The following ANAPC5 variants were observed in gnomAD, a reference collection of about 807,000 sequenced individuals.
ANAPC5 encodes anaphase promoting complex subunit 5.
Under a neutral mutation model 91.3 loss-of-function variants are expected in ANAPC5, and 60 were observed. The ratio of observed to expected loss-of-function variants is 0.66; its 90% CI spans 0.53 to 0.81. ANAPC5 has a LOEUF of 0.81. Ranked by LOEUF, ANAPC5 falls within the 40% of genes least tolerant of loss-of-function variation. The pLI is 0.00. For missense variants in ANAPC5, 690 were observed against 931.5 expected (o/e 0.74, Z 3.37); for synonymous variants, 340 against 364.1 (o/e 0.93, Z 0.75).
At position 121,352,372 on chromosome 12, in the gene ANAPC5, C is replaced by G. The variant is rs782472022; in HGVS notation, c.-32G>C. 1 of 1,559,172 alleles carries G rather than the reference C, an allele frequency of 6.4e-7. No individual in the cohort carries two copies. Among genetic ancestry groups the G allele is most frequent in the Non-Finnish European group, 8.7e-7 (1 of 1,145,430 alleles). On this transcript the variant is annotated 5_prime_UTR_variant, in exon 1 of 17. Transcript: ENST00000261819. ...CCGAGACTAAGTCTCGGGCCCGCGG[C>G]GCGCTGCCGCCAGTTGTCACCACAA... is the stretch of plus-strand genomic sequence containing the variant.
At chr12:121,349,672 C>A (rs1555275087) in intron 1 of ANAPC5, among the ~76,000 whole-genome samples, 1 of 149,224 alleles carries the variant, frequency 6.7e-6, no homozygotes, top group African/African-American at 2.5e-5. Flanking sequence ...CAGCAAAAAA[C>A]AACATGAGCA....
chr12:121,325,297 T>C (rs1902764905), intron 11 of ANAPC5, among the ~76,000 whole-genome samples: 1 of 151,974 alleles, frequency 6.6e-6, no homozygotes, highest in Admixed American at 6.6e-5. Flanking sequence ...ACCCCATCTC[T>C]ACAAAAAACA....
At chr12:121,336,840 C>T (rs1245742114) in intron 6 of ANAPC5, among the ~76,000 whole-genome samples, 1 of 152,154 alleles carries the variant, frequency 6.6e-6, no homozygotes, top group Non-Finnish European at 1.5e-5. Flanking sequence ...GCAACCTATA[C>T]CGAGTTGTTT....
intron 16 of ANAPC5, among the ~76,000 whole-genome samples, chr12:121,309,146 CAA>C (rs35933671): frequency 4.1e-4 from 15 of 36,834 alleles, no homozygotes; most frequent in Admixed American, 1.0e-3. Flanking sequence ...GACTCCATCT[CAA>C]AAAAAAAAAA....
intron 11 of ANAPC5, chr12:121,326,485 G>A (rs1295285669): frequency 2.0e-5 from 3 of 152,194 alleles, no homozygotes; most frequent in Admixed American, 6.5e-5. Context: ...CCCTTATAAA[G>A]AGAATCTCGT....
In ANAPC5 at chr12:121,331,688, A is replaced by G. The variant is rs1233810068; in HGVS notation, c.951-260T>C. ...AGCAAAGGCTTTTATCTCCGCTTCTAAGATGTTTATTTTAAAGGTCCACTG... is the reference window on the plus strand; with the variant it reads ...AGCAAAGGCTTTTATCTCCGCTTCTGAGATGTTTATTTTAAAGGTCCACTG... On this transcript the variant is annotated intron_variant, in intron 7 of 16. Coordinates refer to ENST00000261819, the MANE Select transcript of ANAPC5 (RefSeq NM_016237.5). 1.5e-5 allele frequency: 4 copies of G among 261,878 alleles called. No homozygotes were observed. In the Admixed American group the frequency reaches 1.8e-4, roughly 12 times the overall value. The allele number at this position is 261,878 out of a possible 1,614,324, so 16.2% of individuals were successfully genotyped here.
intron 5 of ANAPC5, among the ~76,000 whole-genome samples, chr12:121,339,013 T>C (rs1566193261): frequency 6.6e-6 from 1 of 151,726 alleles, no homozygotes; most frequent in East Asian, 1.9e-4. Context: ...TTTCATTTTA[T>C]ATTGTAAACT....
chr12:121,334,068 G>A (rs962449957), intron 7 of ANAPC5: 5 of 152,168 alleles, frequency 3.3e-5, no homozygotes, highest in African/African-American at 1.2e-4. Flanking sequence ...TGGAAGCCAG[G>A]AGTTTGAAAC....
chr12:121,353,051 T>C (rs1186330699), upstream of ANAPC5, among the ~76,000 whole-genome samples: 2 of 152,226 alleles, frequency 1.3e-5, no homozygotes, highest in East Asian at 1.9e-4. Context: ...TTTTTAAAGA[T>C]AGGAACATGA....
chr12:121,349,873 AT>A (rs1311803899), intron 1 of ANAPC5, among the ~76,000 whole-genome samples: 3 of 150,694 alleles, frequency 2.0e-5, no homozygotes, highest in Admixed American at 1.3e-4. Flanking sequence ...TGCCCGGCTA[AT>A]TTTTTTTTGT....
intron 13 of ANAPC5, among the ~76,000 whole-genome samples, chr12:121,319,177 G>C (rs1902500730): frequency 6.6e-6 from 1 of 151,632 alleles, no homozygotes; most frequent in South Asian, 2.1e-4. Context: ...ATAGATAACA[G>C]CATGTTAATG....
rs114213300 is a variant in ANAPC5 at position 121,346,583 on chromosome 12, G to A, written c.397+313C>T. 557 of 251,614 alleles carry A rather than the reference G, an allele frequency of 2.2e-3. 5 individuals carry two copies. The highest frequency in any genetic ancestry group is 0.011 in the African/African-American group (515 of 45,116). 15.6% of individuals were successfully genotyped at this position (251,614 alleles called of 1,614,324 possible). A position where few individuals can be genotyped will look rare whatever the true frequency, so the allele number is the denominator to read the frequency against. ...TTACTTACCTCTCTTCATAAGTCTG[G>A]GCTGGTGACCCTCACTTACAGATGG... On this transcript the variant is annotated intron_variant, in intron 3 of 16. Coordinates refer to ENST00000261819, the MANE Select transcript of ANAPC5 (RefSeq NM_016237.5).
chr12:121,319,719 T>C lies in ANAPC5; in HGVS notation c.1615A>G (p.Asn539Asp). Reference protein sequence around the residue: ...DSLVTGITALNSIEGVYRKAV... With the variant: ...DSLVTGITALDSIEGVYRKAV... Reference sequence around the variant, plus strand: ...TACCTATAAACACCCTCTATGCTATTGAGAGCTGTGATTCCTGTAACAAGT... The same window carrying C: ...TACCTATAAACACCCTCTATGCTATCGAGAGCTGTGATTCCTGTAACAAGT... Residue 539 changes from asparagine to aspartate, a missense_variant, in exon 13 of 17, where the codon AAT becomes GAT. Physicochemically the swap from Asn to Asp is conservative, Grantham distance 23. This residue lies in a region of ANAPC5 where 317 missense variants were observed against 438.7 expected (regional missense o/e 0.72). Coordinates refer to ENST00000261819, the MANE Select transcript of ANAPC5 (RefSeq NM_016237.5). 6.2e-7 allele frequency: 1 copy of C among 1,611,952 alleles called. No individual in the cohort carries two copies. The highest frequency in any genetic ancestry group is 8.5e-7 in the Non-Finnish European group (1 of 1,179,236).
intron 5 of ANAPC5, 152 bp from the exon 6 acceptor site, chr12:121,337,544 C>G (rs1903294021): frequency 5.2e-6 from 3 of 572,418 alleles, no homozygotes; most frequent in Non-Finnish European, 9.2e-6. Context: ...GGCCTTCCCT[C>G]ACTCTAGGTA....
At position 121,345,919 on chromosome 12, in the gene ANAPC5, C is replaced by T. The variant is rs111961078; in HGVS notation, c.510G>A (p.Val170=). The change falls in exon 4 of 17, where the codon GTG becomes GTA. Residue 170 remains valine, a synonymous_variant. Transcript: ENST00000261819. ...TGGTCAGTTCCATATCAGCATCCTC[C>T]ACTGTCTTTTTCTCACCATTCTGGA... ...QYFQNGEKKT[V]EDADMELTSR... 4.5e-5 allele frequency: 72 copies of T among 1,614,142 alleles called. No homozygotes were observed. The highest frequency in any genetic ancestry group is 5.9e-5 in the Non-Finnish European group (70 of 1,180,020).
At chr12:121,316,086 A>T (rs1241658509) in intron 15 of ANAPC5, among the ~76,000 whole-genome samples, 2 of 152,246 alleles carry the variant, frequency 1.3e-5, no homozygotes, top group Non-Finnish European at 2.9e-5. Context: ...AATTTTTACA[A>T]GTGAACATCA....
chr12:121,331,236 T>C, intron 8 of ANAPC5, 111 bp downstream of exon 8: 1 of 846,350 alleles, frequency 1.2e-6, no homozygotes, highest in Non-Finnish European at 1.8e-6. Flanking sequence ...CTTGTTTCCT[T>C]TTGCTGCTGA....
At chr12:121,317,407 C>T (rs896704820) in intron 15 of ANAPC5, among the ~76,000 whole-genome samples, 1 of 151,774 alleles carries the variant, frequency 6.6e-6, no homozygotes, top group Non-Finnish European at 1.5e-5. Context: ...GCACGTGCCA[C>T]CACGCCCGGC....
In ANAPC5 at chr12:121,342,150, T is replaced by C; in HGVS notation, c.591-81A>G. On this transcript the variant is annotated intron_variant, in intron 4 of 16. Coordinates refer to ENST00000261819, the MANE Select transcript of ANAPC5 (RefSeq NM_016237.5). The surrounding 1 kb of genome is among the most constrained non-coding windows in gnomAD (Gnocchi z 4.1). Reference sequence around the variant, plus strand: ...AACATTTATAAAATCAGATGGATTCTTGTATCGAAAGAGTTCAAAAAATTT... The same window carrying C: ...AACATTTATAAAATCAGATGGATTCCTGTATCGAAAGAGTTCAAAAAATTT... 1 of 1,091,606 alleles carries C rather than the reference T, an allele frequency of 9.2e-7. No homozygotes were observed. The highest frequency in any genetic ancestry group is 1.3e-6 in the Non-Finnish European group (1 of 760,134). 67.6% of individuals were successfully genotyped at this position (1,091,606 alleles called of 1,614,324 possible).
Sources: gnomAD v4.1 joint callset for allele counts (sites outside exome capture counted in the v4.1 genomes callset) on GRCh38, gnomAD v4.1.1 for gene constraint, gnomAD v4.1.1 regional missense constraint, Gnocchi (gnomAD v3.1) non-coding constraint, MANE v1.5 for transcripts, NCBI Gene and HGNC (gene_info 2026-07-23, HGNC 2026-07-21) for gene names.